The following CACUL1 variants were observed in gnomAD, a reference collection of about 807,000 sequenced individuals.
The protein encoded by CACUL1 is CDK2-associated and cullin domain-containing protein 1.
In CACUL1, 13 loss-of-function variants were observed where a neutral mutation model predicts 45.2. That is an observed-to-expected ratio of 0.29 (90% CI 0.19 to 0.46). The LOEUF is 0.46. Among genes scored for constraint, CACUL1 ranks in the 20% least tolerant of loss-of-function variants. The pLI is 1.00. For synonymous variants in CACUL1, 197 were observed against 174.2 expected, an observed-to-expected ratio of 1.13 and a Z score of -1.03; for missense variants, 421 against 471.4, an observed-to-expected ratio of 0.89 and a Z score of 0.99.
At chr10:118,740,205 A>C (rs1362478024) in intron 1 of CACUL1, among the ~76,000 whole-genome samples, 1 of 152,178 alleles carries the variant, frequency 6.6e-6, no homozygotes, top group Non-Finnish European at 1.5e-5. Context: ...CAATACAAAC[A>C]AGGCAACTAA....
At chr10:118,752,790 AT>A (rs1845910175) in intron 1 of CACUL1, among the ~76,000 whole-genome samples, 1 of 152,184 alleles carries the variant, frequency 6.6e-6, no homozygotes, top group Non-Finnish European at 1.5e-5. Flanking sequence ...AGTTCAAGAT[AT>A]TTCTTCTGAT....
chr10:118,689,781 C>T (rs1045822305), intron 7 of CACUL1, among the ~76,000 whole-genome samples: 4 of 152,212 alleles, frequency 2.6e-5, no homozygotes, highest in African/African-American at 9.6e-5. Context: ...CAATTCCATG[C>T]ATTGCTCTGG....
At chr10:118,687,549 A>G (rs1294956657) in intron 7 of CACUL1, among the ~76,000 whole-genome samples, 4 of 152,214 alleles carry the variant, frequency 2.6e-5, no homozygotes, top group African/African-American at 9.7e-5. Flanking sequence ...TCTTCCCTAC[A>G]CAAGTACATG....
intron 1 of CACUL1, among the ~76,000 whole-genome samples, chr10:118,749,739 C>G (rs1845877764): frequency 6.6e-6 from 1 of 152,170 alleles, no homozygotes; most frequent in Non-Finnish European, 1.5e-5. Context: ...AATACGAACC[C>G]TAAGAGACAG....
Position 118,686,602 on chromosome 10 carries a change from A to C in CACUL1, c.1065T>G (p.Ala355=). 6.2e-7 allele frequency: 1 copy of C among 1,612,646 alleles called. No homozygotes were observed. The highest frequency in any genetic ancestry group is 8.5e-7 in the Non-Finnish European group (1 of 1,178,650). ...QSRKRAGDEL[A]YNSSSACASS... is the part of the protein sequence containing the mutation. ...GGAAGGAACATCATTACTTACTATAAGCCAACTCATCCCCAGCTCTCTTCC... is the reference window on the plus strand; with the variant it reads ...GGAAGGAACATCATTACTTACTATACGCCAACTCATCCCCAGCTCTCTTCC... The change falls in exon 8 of 9, where the codon GCT becomes GCG. Residue 355 remains alanine, a synonymous_variant. Transcript: ENST00000369151.
At chr10:118,738,892 T>TAAAA (rs150393133) in intron 1 of CACUL1, among the ~76,000 whole-genome samples, 9,741 of 62,058 alleles carry the variant, frequency 0.16, 1,307 homozygotes, top group South Asian at 0.24. Flanking sequence ...CAAGTGCTCT[T>TAAAA]AAAAAAAAAA....
In CACUL1 at chr10:118,677,402, CAG is replaced by C. The variant is rs1482739263; in HGVS notation, c.*8724_*8725del. The C allele has an allele frequency of 1.3e-5, 2 of 152,096 alleles. No individual in the cohort carries two copies. Among genetic ancestry groups the C allele is most frequent in the Non-Finnish European group, 2.9e-5 (2 of 68,032 alleles). The allele number at this position is 152,096 out of a possible 1,614,324, so 9.4% of individuals were successfully genotyped here. On this transcript the variant is annotated 3_prime_UTR_variant, in exon 9 of 9. Coordinates refer to ENST00000369151, the MANE Select transcript of CACUL1 (RefSeq NM_153810.5). ...GCTTTACACTGAATATACATTAACTCAGAGAACTGGCATGTTTAGAATGGTCC... is the reference window on the plus strand; with the variant it reads ...GCTTTACACTGAATATACATTAACTCAGAACTGGCATGTTTAGAATGGTCC...
rs1845861001 is a variant in CACUL1, at chr10:118,748,030, A to C, written c.367+6366T>G. On this transcript the variant is annotated intron_variant, in intron 1 of 8. Coordinates refer to ENST00000369151, the MANE Select transcript of CACUL1 (RefSeq NM_153810.5). Reference sequence around the variant, plus strand: ...AACCCGGGAGCCAGAGGTTGCAGTGAGCCGAAATCGTGCCACTGCACTCCA... The same window carrying C: ...AACCCGGGAGCCAGAGGTTGCAGTGCGCCGAAATCGTGCCACTGCACTCCA... 2.0e-5 allele frequency among the ~76,000 whole-genome samples: 3 copies of C among 152,124 alleles called. No individual in the cohort carries two copies. The South Asian group carries it at 6.2e-4, about 31-fold the overall frequency.
chr10:118,716,849 G>T (rs531709162), intron 3 of CACUL1, among the ~76,000 whole-genome samples: 6 of 152,110 alleles, frequency 3.9e-5, no homozygotes, highest in Non-Finnish European at 8.8e-5. Context: ...TGATCCACCC[G>T]CCTCGGCCTC....
chr10:118,745,818 A>T (rs1845838052), intron 1 of CACUL1, among the ~76,000 whole-genome samples: 1 of 150,924 alleles, frequency 6.6e-6, no homozygotes, highest in African/African-American at 2.4e-5. Context: ...AATAACCCTT[A>T]AAAAAAAACC....
intron 3 of CACUL1, among the ~76,000 whole-genome samples, chr10:118,718,742 T>C (rs2119616193): frequency 1.3e-5 from 2 of 151,516 alleles, no homozygotes; most frequent in South Asian, 2.1e-4. Context: ...CCCGGCTAAT[T>C]TTTTGTATTT....
At chr10:118,687,601 T>C (rs1845220853) in intron 7 of CACUL1, among the ~76,000 whole-genome samples, 1 of 152,192 alleles carries the variant, frequency 6.6e-6, no homozygotes, top group Admixed American at 6.5e-5. Flanking sequence ...AGTGATCTCA[T>C]GTAGAAGACA....
At chr10:118,728,317 CTT>C (rs5788315) in intron 3 of CACUL1, among the ~76,000 whole-genome samples, 9 of 140,794 alleles carry the variant, frequency 6.4e-5, no homozygotes, top group Non-Finnish European at 1.1e-4. Context: ...AGTGACTTTT[CTT>C]TTTTTTTTTT....
At chr10:118,727,181 G>A (rs1202318485) in intron 3 of CACUL1, among the ~76,000 whole-genome samples, 1 of 152,002 alleles carries the variant, frequency 6.6e-6, no homozygotes, top group Non-Finnish European at 1.5e-5. Flanking sequence ...TTGAGTCCAG[G>A]AGTTTGAGAC....
intron 4 of CACUL1, among the ~76,000 whole-genome samples, 196 bp from the exon 5 acceptor site, chr10:118,701,604 T>A (rs1289408792): frequency 6.6e-6 from 1 of 152,100 alleles, no homozygotes; most frequent in Non-Finnish European, 1.5e-5. Context: ...CATAAAAAAA[T>A]GTTTTGAACT....
chr10:118,684,372 C>T lies in CACUL1; in HGVS notation c.*1756G>A, dbSNP rs1845184365. 1 of 152,210 alleles carries T rather than the reference C, an allele frequency of 6.6e-6. No individual in the cohort carries two copies. Among genetic ancestry groups the T allele is most frequent in the Admixed American group, 6.5e-5 (1 of 15,280 alleles). 9.4% of individuals were successfully genotyped at this position (152,210 alleles called of 1,614,324 possible). On this transcript the variant is annotated 3_prime_UTR_variant, in exon 9 of 9. Transcript: ENST00000369151. ...ATTGAGAAAAGTAAAATGTGAATGT[C>T]ATGATGAATGGAATTCTCCTTGATA...
At position 118,754,420 on chromosome 10, in the gene CACUL1, T is replaced by C; in HGVS notation, c.343A>G (p.Ile115Val). 2 of 1,589,908 alleles carry C rather than the reference T, an allele frequency of 1.3e-6. No individual in the cohort carries two copies. Among genetic ancestry groups the C allele is most frequent in the Non-Finnish European group, 8.5e-7 (1 of 1,169,610 alleles). The part of the protein sequence containing the change: ...PAPTASSTIN[I>V]NTSTSKFLMN... ...CAGAACTTGGAGGTGGAGGTGTTGA[T>C]GTTGATGGTGGAGCTGGCGGTGGGG... Residue 115 changes from isoleucine (I) to valine (V), a missense_variant, in exon 1 of 9, where the codon ATC becomes GTC. This residue lies in a region of CACUL1 where 213 missense variants were observed against 173.1 expected (regional missense o/e 1.23). Coordinates refer to ENST00000369151, the MANE Select transcript of CACUL1 (RefSeq NM_153810.5).
intron 1 of CACUL1, among the ~76,000 whole-genome samples, chr10:118,742,560 G>T (rs1589619266): frequency 6.6e-6 from 1 of 152,108 alleles, no homozygotes; most frequent in Non-Finnish European, 1.5e-5. Context: ...CGGGAACAGA[G>T]GCTCACTCCT....
intron 5 of CACUL1, among the ~76,000 whole-genome samples, chr10:118,699,649 AT>A (rs61106518): frequency 2.7e-5 from 4 of 149,176 alleles, no homozygotes; most frequent in African/African-American, 4.9e-5. Context: ...TCATGAGACA[AT>A]TTTTTTTTTT....
Sources: allele counts gnomAD v4.1 joint callset (sites outside exome capture counted in the v4.1 genomes callset), GRCh38; gene constraint gnomAD v4.1.1; regional missense constraint gnomAD v4.1.1; transcripts MANE v1.5; gene names NCBI Gene and HGNC (gene_info 2026-07-23, HGNC 2026-07-21).